Variants in SMAP2 observed in about 807,000 individuals in gnomAD.
SMAP2 encodes small ArfGAP2, also known as stromal membrane-associated protein 2.
In SMAP2, 25 loss-of-function variants were observed where a neutral mutation model predicts 56.4. The ratio of observed to expected loss-of-function variants is 0.44; its 90% CI spans 0.32 to 0.62. The LOEUF (loss-of-function observed/expected upper bound fraction) is 0.62, where lower values mean the gene tolerates loss of function less well. SMAP2 is among the 20% of genes least tolerant of loss of function. SMAP2 has a pLI of 0.04. For synonymous variants in SMAP2, 157 were observed against 181.7 expected, an observed-to-expected ratio of 0.86 and a Z score of 1.09; for missense variants, 388 against 545.6, an observed-to-expected ratio of 0.71 and a Z score of 2.88.
At chr1:40,421,085 G>GT (rs1237193787) in intron 9 of SMAP2, among the ~76,000 whole-genome samples, 3 of 150,494 alleles carry the variant, frequency 2.0e-5, no homozygotes, top group Non-Finnish European at 4.4e-5. Flanking sequence ...TCAAAAAAAT[G>GT]TAAGTTTTTT....
intron 1 of SMAP2, among the ~76,000 whole-genome samples, chr1:40,355,300 C>T (rs539626441): frequency 6.6e-6 from 1 of 152,264 alleles, no homozygotes; most frequent in East Asian, 1.9e-4. Flanking sequence ...TGATGAGTAT[C>T]AGTGCCTGTT....
chr1:40,416,454 C>G, intron 8 of SMAP2, 113 bp downstream of exon 8: 1 of 1,222,466 alleles, frequency 8.2e-7, no homozygotes, highest in Non-Finnish European at 1.1e-6. Context: ...ATGTCATACA[C>G]CAAACAAACC....
chr1:40,348,704 T>C (rs1355757548), intron 1 of SMAP2, among the ~76,000 whole-genome samples: 3 of 152,124 alleles, frequency 2.0e-5, no homozygotes, highest in East Asian at 3.9e-4. Context: ...AATAAACTTA[T>C]GAAAAAATTT....
At chr1:40,420,008 A>G (rs1421329539) in intron 9 of SMAP2, among the ~76,000 whole-genome samples, 1 of 152,216 alleles carries the variant, frequency 6.6e-6, no homozygotes, top group Non-Finnish European at 1.5e-5. Context: ...TTTGTAGCAA[A>G]TCTTTGATAC....
chr1:40,413,199 C>T lies in SMAP2; in HGVS notation c.489+97C>T, dbSNP rs1569915959. The T allele has an allele frequency of 3.4e-6, 3 of 886,632 alleles. No individual in the cohort carries two copies. In the East Asian group the frequency reaches 7.4e-5, roughly 22 times the overall value. The allele number at this position is 886,632 out of a possible 1,614,324, so 54.9% of individuals were successfully genotyped here. ...GGTCTCGTGGTGAGTACCATTGCAC[C>T]ATCACAGCTGGGGCTAAAGGGTTCT... is the stretch of plus-strand genomic sequence containing the variant. On this transcript the variant is annotated intron_variant, in intron 5 of 9. Coordinates refer to ENST00000372718, the MANE Select transcript of SMAP2 (RefSeq NM_022733.3).
chr1:40,360,142 G>GTT (rs1644453708), intron 1 of SMAP2, among the ~76,000 whole-genome samples: 1 of 149,866 alleles, frequency 6.7e-6, no homozygotes, highest in African/African-American at 2.5e-5. Flanking sequence ...GAGTAGCTGG[G>GTT]ACTACAGGTG....
At chr1:40,394,617 T>TA (rs1644751600) in intron 1 of SMAP2, among the ~76,000 whole-genome samples, 1 of 152,112 alleles carries the variant, frequency 6.6e-6, no homozygotes, top group Admixed American at 6.5e-5. Flanking sequence ...AAAACAATCA[T>TA]AGCAGCACAT....
intron 1 of SMAP2, among the ~76,000 whole-genome samples, chr1:40,346,988 T>A (rs533078105): frequency 6.6e-6 from 1 of 152,094 alleles, no homozygotes; most frequent in East Asian, 1.9e-4. Flanking sequence ...GTGCTGAGAC[T>A]ACAGGCGTGA....
chr1:40,418,528 G>A (rs1189960182), intron 9 of SMAP2, among the ~76,000 whole-genome samples: 1 of 152,132 alleles, frequency 6.6e-6, no homozygotes, highest in Non-Finnish European at 1.5e-5. Context: ...GATATAATAT[G>A]GAAAGAGCCC....
chr1:40,347,728 A>C (rs965869387), intron 1 of SMAP2, among the ~76,000 whole-genome samples: 1 of 152,184 alleles, frequency 6.6e-6, no homozygotes. Context: ...GGTTTATAGT[A>C]TAGCATACAC....
At chr1:40,355,785 T>A (rs1013015875) in intron 1 of SMAP2, among the ~76,000 whole-genome samples, 5 of 152,064 alleles carry the variant, frequency 3.3e-5, no homozygotes, top group African/African-American at 4.8e-5. Flanking sequence ...AATTTTTAAA[T>A]TTTTTGTAGA....
At chr1:40,369,435 C>G (rs1023959721), upstream of SMAP2, among the ~76,000 whole-genome samples, 18 of 149,848 alleles carry the variant, frequency 1.2e-4, no homozygotes, top group Non-Finnish European at 2.7e-4. Flanking sequence ...GGAGGCATCA[C>G]ACTACCTGAC....
At chr1:40,354,767 A>ATAT (rs1644426400) in intron 1 of SMAP2, among the ~76,000 whole-genome samples, 1 of 67,338 alleles carries the variant, frequency 1.5e-5, no homozygotes, top group Non-Finnish European at 2.5e-5. Flanking sequence ...AAAACATTGA[A>ATAT]TTTTTTTTTT....
rs1381117833 is a variant in SMAP2 at position 40,361,377 on chromosome 1, C to T, written c.-82-923C>T. Among the ~76,000 whole-genome samples the T allele has an allele frequency of 3.3e-5, 5 of 152,278 alleles. No individual in the cohort carries two copies. The East Asian group carries it at 9.7e-4, about 29-fold the overall frequency. The stretch of plus-strand genomic sequence containing the variant: ...GACTCACCATGGGCCTTGGGTGAGA[C>T]TCAGAGATGTGCTGGCTTAATGTGT... On this transcript the variant is annotated intron_variant, in intron 1 of 6. Coordinates refer to the SMAP2 transcript ENST00000435168.
chr1:40,389,351 A>T (rs1354730847), intron 1 of SMAP2, among the ~76,000 whole-genome samples: 1 of 152,178 alleles, frequency 6.6e-6, no homozygotes, highest in Non-Finnish European at 1.5e-5. Flanking sequence ...AGATGAGGAC[A>T]GGGACTGTGT....
At chr1:40,351,476 C>G (rs1358251175) in intron 1 of SMAP2, among the ~76,000 whole-genome samples, 1 of 152,064 alleles carries the variant, frequency 6.6e-6, no homozygotes, top group Non-Finnish European at 1.5e-5. Flanking sequence ...CTCCTTGACT[C>G]CTTAAAGAAA....
intron 1 of SMAP2, among the ~76,000 whole-genome samples, chr1:40,379,872 GC>G (rs1469775927): frequency 6.6e-6 from 1 of 152,112 alleles, no homozygotes; most frequent in African/African-American, 2.4e-5. Flanking sequence ...AGTGTCCTAG[GC>G]CCATAGACAC....
intron 1 of SMAP2, among the ~76,000 whole-genome samples, chr1:40,347,708 T>C (rs1475370920): frequency 6.6e-6 from 1 of 152,176 alleles, no homozygotes; most frequent in Non-Finnish European, 1.5e-5. Context: ...TGTTGGAGGG[T>C]ATTTTTATTG....
intron 6 of SMAP2, among the ~76,000 whole-genome samples, chr1:40,414,510 A>C (rs1410542272): frequency 1.3e-5 from 2 of 152,242 alleles, no homozygotes; most frequent in Non-Finnish European, 2.9e-5. Context: ...CTGTGTGACC[A>C]TGGGTAGTTT....
Sources: gnomAD v4.1 joint callset for allele counts (sites outside exome capture counted in the v4.1 genomes callset) on GRCh38, gnomAD v4.1.1 for gene constraint, MANE v1.5 for transcripts, NCBI Gene and HGNC (gene_info 2026-07-23, HGNC 2026-07-21) for gene names.